Variants in MED27 observed in about 807,000 individuals in gnomAD.
The protein encoded by MED27 is mediator of RNA polymerase II transcription subunit 27.
In MED27, 30 loss-of-function variants were observed where a neutral mutation model predicts 38.2. The observed-to-expected ratio is 0.79, with a 90% CI of 0.59 to 1.07. The LOEUF is 1.07. Among genes scored for constraint, MED27 ranks in the 50% least tolerant of loss-of-function variants. The pLI is 0.00. For synonymous variants in MED27, 122 were observed against 153.5 expected (o/e 0.79, Z 1.52); for missense variants, 289 against 397.5 (o/e 0.73, Z 2.32).
intron 4 of MED27, among the ~76,000 whole-genome samples, chr9:131,899,709 G>A (rs1001398372): frequency 3.3e-5 from 5 of 152,194 alleles, no homozygotes; most frequent in Non-Finnish European, 7.3e-5. Flanking sequence ...CTCTGCCATC[G>A]AGATGGAGCC....
chr9:131,973,012 G>C (rs1831514310), intron 3 of MED27, among the ~76,000 whole-genome samples: 1 of 152,164 alleles, frequency 6.6e-6, no homozygotes, highest in East Asian at 1.9e-4. Context: ...TTATAAATGA[G>C]GGAAGCAATA....
At chr9:132,023,172 T>C (rs572822838) in intron 2 of MED27, among the ~76,000 whole-genome samples, 88 of 152,268 alleles carry the variant, frequency 5.8e-4, no homozygotes, top group Non-Finnish European at 1.0e-3. Context: ...TATTCCCATA[T>C]AAGAAATATG....
intron 3 of MED27, among the ~76,000 whole-genome samples, chr9:132,010,774 T>G (rs1832470319): frequency 6.6e-6 from 1 of 151,634 alleles, no homozygotes. Flanking sequence ...CAGCAAACTA[T>G]CAGAAGGACA....
chr9:132,038,435 G>C (rs866469514), intron 2 of MED27, among the ~76,000 whole-genome samples: 1 of 151,116 alleles, frequency 6.6e-6, no homozygotes, highest in Non-Finnish European at 1.5e-5. Context: ...CTCGTGATCC[G>C]CCCGCCTCGG....
At chr9:131,894,087 A>T in intron 4 of MED27, 95 bp from the exon 5 acceptor site, 4 of 831,632 alleles carry the variant, frequency 4.8e-6, no homozygotes, top group Non-Finnish European at 8.2e-6. Flanking sequence ...CAATCCAGTG[A>T]GACTGGATTC....
At chr9:131,939,168 A>G (rs1830738187) in intron 4 of MED27, among the ~76,000 whole-genome samples, 3 of 152,226 alleles carry the variant, frequency 2.0e-5, no homozygotes, top group Non-Finnish European at 4.4e-5. Flanking sequence ...TCTCTGGTTA[A>G]GTCTTACATG....
intron 3 of MED27, among the ~76,000 whole-genome samples, chr9:131,974,434 T>C (rs1447275938): frequency 6.6e-6 from 1 of 152,222 alleles, no homozygotes; most frequent in Non-Finnish European, 1.5e-5. Flanking sequence ...ACAGTTCTGT[T>C]AGTAGACTGA....
At chr9:131,879,925 C>T (rs139856282) in intron 6 of MED27, among the ~76,000 whole-genome samples, 1 of 152,360 alleles carries the variant, frequency 6.6e-6, no homozygotes, top group Non-Finnish European at 1.5e-5. Flanking sequence ...ACGTTGCCAC[C>T]GAATCCTTCT....
chr9:131,983,249 G>A (rs1193183079), intron 3 of MED27, among the ~76,000 whole-genome samples: 1 of 152,154 alleles, frequency 6.6e-6, no homozygotes, highest in African/African-American at 2.4e-5. Context: ...AAGCTACCAT[G>A]GATTTTCCCT....
At chr9:131,953,162 T>C (rs1398710270) in intron 3 of MED27, among the ~76,000 whole-genome samples, 1 of 152,192 alleles carries the variant, frequency 6.6e-6, no homozygotes, top group Non-Finnish European at 1.5e-5. Context: ...ATGCGGCTAG[T>C]TTAGAAATTC....
chr9:131,907,630 C>T (rs1167570710), intron 4 of MED27, among the ~76,000 whole-genome samples: 2 of 151,998 alleles, frequency 1.3e-5, no homozygotes, highest in Non-Finnish European at 1.5e-5. Context: ...AGCCTCTGCC[C>T]GGCCGCCACC....
chr9:132,008,436 C>A (rs559914729), intron 3 of MED27, among the ~76,000 whole-genome samples: 3 of 152,330 alleles, frequency 2.0e-5, no homozygotes, highest in South Asian at 4.1e-4. Context: ...TTAATTTGAG[C>A]ATTTGGAAAT....
At chr9:131,941,032 ATAAAT>A (rs1035503265) in intron 3 of MED27, among the ~76,000 whole-genome samples, 4 of 152,172 alleles carry the variant, frequency 2.6e-5, no homozygotes, top group African/African-American at 9.7e-5. Flanking sequence ...TCTTACTGGG[ATAAAT>A]TCTCCCCTAC....
At chr9:131,985,506 T>C (rs1319753216) in intron 3 of MED27, among the ~76,000 whole-genome samples, 1 of 152,200 alleles carries the variant, frequency 6.6e-6, no homozygotes, top group Non-Finnish European at 1.5e-5. Context: ...TCCTATCACA[T>C]AGTAGCCATG....
chr9:132,064,935 A>G (rs1833776718), intron 2 of MED27, among the ~76,000 whole-genome samples: 1 of 152,198 alleles, frequency 6.6e-6, no homozygotes, highest in South Asian at 2.1e-4. Flanking sequence ...TCTTACTAAA[A>G]CTAGGTGCTT....
At chr9:131,998,801 C>T (rs1832155205) in intron 3 of MED27, among the ~76,000 whole-genome samples, 1 of 151,976 alleles carries the variant, frequency 6.6e-6, no homozygotes, top group Non-Finnish European at 1.5e-5. Flanking sequence ...GAGGCACGTC[C>T]ATGTTAACTG....
At chr9:131,891,832 G>A (rs2131500250) in intron 5 of MED27, among the ~76,000 whole-genome samples, 1 of 152,272 alleles carries the variant, frequency 6.6e-6, no homozygotes, top group African/African-American at 2.4e-5. Flanking sequence ...GAGATAATGA[G>A]AGCCGGAGAG....
At chr9:132,063,242 A>C (rs577708308) in intron 2 of MED27, among the ~76,000 whole-genome samples, 1 of 152,248 alleles carries the variant, frequency 6.6e-6, no homozygotes, top group South Asian at 2.1e-4. Context: ...TCCATTTTGC[A>C]ACTCATAAGA....
intron 3 of MED27, among the ~76,000 whole-genome samples, chr9:131,981,510 T>C (rs934589780): frequency 1.3e-5 from 2 of 152,230 alleles, no homozygotes; most frequent in Non-Finnish European, 1.5e-5. Flanking sequence ...CAATCCTAAC[T>C]GAGGCAAGCT....
Sources: allele counts gnomAD v4.1 joint callset (sites outside exome capture counted in the v4.1 genomes callset), GRCh38; gene constraint gnomAD v4.1.1; transcripts MANE v1.5; gene names NCBI Gene and HGNC (gene_info 2026-07-23, HGNC 2026-07-21).